PADI4: variants seen among roughly 807,000 people sequenced by gnomAD.
The protein encoded by PADI4 is peptidyl arginine deiminase 4.
A neutral mutation model predicts 75.0 loss-of-function variants in PADI4; 62 were observed. The observed-to-expected ratio is 0.83, with a 90% CI of 0.67 to 1.02. The LOEUF is 1.02. Among genes scored for constraint, PADI4 ranks in the 50% least tolerant of loss-of-function variants. The pLI, the probability that PADI4 is intolerant of heterozygous loss-of-function variation, is 0.00. For synonymous variants in PADI4, 361 were observed against 348.1 expected (o/e 1.04, Z -0.41); for missense variants, 845 against 850.5 (o/e 0.99, Z 0.08).
chr1:17,310,957 C>T (rs1010213846), intron 1 of PADI4, among the ~76,000 whole-genome samples: 21 of 152,024 alleles, frequency 1.4e-4, no homozygotes, highest in African/African-American at 4.1e-4. Context: ...ATTAGCCGGG[C>T]GTGGTAGCAC....
Position 17,309,390 on chromosome 1 carries a change from T to C in PADI4, c.92+1076T>C, listed in dbSNP as rs2073737840. Among the ~76,000 whole-genome samples, 3 of 152,146 alleles carry C rather than the reference T, an allele frequency of 2.0e-5. No homozygotes were observed. The South Asian group carries it at 6.2e-4, about 32-fold the overall frequency. ...AATGCATGTCTCAATTAAATAACTGTCTTTGTTTCTTGCCTCTATAATATG... is the reference window on the plus strand; with the variant it reads ...AATGCATGTCTCAATTAAATAACTGCCTTTGTTTCTTGCCTCTATAATATG... On this transcript the variant is annotated intron_variant, in intron 1 of 15. Coordinates refer to ENST00000375448, the MANE Select transcript of PADI4 (RefSeq NM_012387.3).
rs1557583121 is a variant in PADI4 at position 17,357,799 on chromosome 1, CGGGT to C, written c.1559-1037_1559-1034del. On this transcript the variant is annotated intron_variant, in intron 13 of 15. Transcript: ENST00000375448. ...TACAAAAATTAGCCGGGCGTGGTGGCGGGTGCCTGTAATCCCAGCTACTTGGGAG... is the reference window on the plus strand; with the variant it reads ...TACAAAAATTAGCCGGGCGTGGTGGCGCCTGTAATCCCAGCTACTTGGGAG... Among the ~76,000 whole-genome samples, 58 of 151,460 alleles carry C rather than the reference CGGGT, an allele frequency of 3.8e-4. 2 individuals are homozygous for C. Among genetic ancestry groups the C allele is most frequent in the Non-Finnish European group, 2.7e-4 (18 of 67,912 alleles).
intron 3 of PADI4, among the ~76,000 whole-genome samples, chr1:17,335,883 G>A (rs183043613): frequency 2.2e-4 from 34 of 152,374 alleles, no homozygotes; most frequent in African/African-American, 7.9e-4. Flanking sequence ...GTGGCCAGAC[G>A]TGCAGGGTCT....
At chr1:17,337,088 T>C (rs1386844332) in intron 4 of PADI4, among the ~76,000 whole-genome samples, 1 of 152,266 alleles carries the variant, frequency 6.6e-6, no homozygotes. Context: ...AATATTGACA[T>C]ACATATTTAG....
At chr1:17,352,104 T>TC (rs1557577118) in intron 10 of PADI4, among the ~76,000 whole-genome samples, 1 of 69,170 alleles carries the variant, frequency 1.4e-5, no homozygotes, top group Non-Finnish European at 3.0e-5. Context: ...TGGGAGGTGG[T>TC]AGGAGAGACT....
intron 3 of PADI4, 198 bp downstream of exon 3, chr1:17,334,207 T>A: frequency 1.7e-6 from 1 of 587,678 alleles, no homozygotes; most frequent in Non-Finnish European, 3.1e-6. Flanking sequence ...AGAAATACAA[T>A]GTGGCAGTGG....
intron 1 of PADI4, among the ~76,000 whole-genome samples, chr1:17,321,529 T>A (rs74716602): frequency 0.014 from 2,069 of 152,360 alleles, 52 homozygotes; most frequent in African/African-American, 0.047. Flanking sequence ...GAACAGTGCC[T>A]GGAGCAGAGT....
chr1:17,363,183 A>G (rs766449115), intron 15 of PADI4, among the ~76,000 whole-genome samples: 1 of 152,152 alleles, frequency 6.6e-6, no homozygotes, highest in Non-Finnish European at 1.5e-5. Context: ...CAGTGGCACA[A>G]TCACAGCTCA....
chr1:17,352,978 G>A (rs1370337438), intron 10 of PADI4, among the ~76,000 whole-genome samples: 1 of 152,212 alleles, frequency 6.6e-6, no homozygotes, highest in Non-Finnish European at 1.5e-5. Flanking sequence ...TGCAGAAAGT[G>A]TGCGGAGAAC....
In PADI4 at chr1:17,309,926, C is replaced by T. The variant is rs140767303; in HGVS notation, c.92+1612C>T. On this transcript the variant is annotated intron_variant, in intron 1 of 15. Coordinates refer to ENST00000375448, the MANE Select transcript of PADI4 (RefSeq NM_012387.3). ...CCCAGGCTAGCCCTCTACCCAGCGT[C>T]CATGAGTAGTAATCAAGATCACAAG... is the stretch of plus-strand genomic sequence containing the variant. Among the ~76,000 whole-genome samples the T allele has an allele frequency of 3.0e-3, 454 of 152,316 alleles. 1 individual carries two copies. Among genetic ancestry groups the T allele is most frequent in the Middle Eastern group, 0.01 (3 of 294 alleles).
At chr1:17,308,685 G>A (rs972175552) in intron 1 of PADI4, among the ~76,000 whole-genome samples, 1 of 152,138 alleles carries the variant, frequency 6.6e-6, no homozygotes, top group Admixed American at 6.5e-5. Flanking sequence ...GGGCCTCCTG[G>A]TTCACAGCAC....
intron 13 of PADI4, among the ~76,000 whole-genome samples, chr1:17,357,193 A>T (rs2074775321): frequency 6.6e-6 from 1 of 152,186 alleles, no homozygotes; most frequent in Non-Finnish European, 1.5e-5. Context: ...TTTGAAACGA[A>T]GTTTTCCTCT....
At chr1:17,351,201 GAAAAAAA>G (rs61284318) in intron 10 of PADI4, among the ~76,000 whole-genome samples, 4 of 76,806 alleles carry the variant, frequency 5.2e-5, no homozygotes, top group South Asian at 5.7e-4. Flanking sequence ...TGTCCCAGAG[GAAAAAAA>G]AAAAAAAAAA....
chr1:17,335,337 T>TATC (rs1247090961), intron 3 of PADI4, among the ~76,000 whole-genome samples: 1 of 152,176 alleles, frequency 6.6e-6, no homozygotes, highest in Non-Finnish European at 1.5e-5. Flanking sequence ...GTATTATTAT[T>TATC]ATCATCCCAT....
intron 15 of PADI4, among the ~76,000 whole-genome samples, chr1:17,359,850 G>T (rs2074824380): frequency 6.6e-6 from 1 of 152,242 alleles, no homozygotes; most frequent in African/African-American, 2.4e-5. Flanking sequence ...ACCAGTCCAA[G>T]GAGAGTGATG....
At chr1:17,337,713 T>C (rs532872119) in intron 4 of PADI4, among the ~76,000 whole-genome samples, 13 of 151,990 alleles carry the variant, frequency 8.6e-5, no homozygotes, top group South Asian at 6.2e-4. Flanking sequence ...GTCAAGAGAT[T>C]GAGCCATCCT....
Position 17,355,990 on chromosome 1 carries a change from AG to A in PADI4, c.1319del (p.Ser440ThrfsTer21). The stretch of plus-strand genomic sequence containing the variant: ...TTAACCCTGCCATGACAGCAATGAC[AG>A]CCGGCAGATGCACCAGGCCCTGCAG... The part of the protein sequence containing the change: ...FGDSCYPSND[S>X]RQMHQALQDF... On this transcript the variant is annotated frameshift_variant, in exon 12 of 16. Coordinates refer to ENST00000375448, the MANE Select transcript of PADI4 (RefSeq NM_012387.3). LOFTEE classifies it high-confidence loss of function. 6.2e-7 allele frequency: 1 copy of A among 1,614,178 alleles called. No homozygotes were observed. Among genetic ancestry groups the A allele is most frequent in the Non-Finnish European group, 8.5e-7 (1 of 1,180,008 alleles).
chr1:17,356,098 C>CTGAGCTT lies in PADI4; in HGVS notation c.1429_1435dup (p.Val479GlufsTer31). The stretch of plus-strand genomic sequence containing the variant: ...GTCCGTGGGCCACGTGGACGAGTTC[C>CTGAGCTT]TGAGCTTTGTGCCAGCACCCGACAG... On this transcript the variant is annotated frameshift_variant, in exon 12 of 16. Coordinates refer to ENST00000375448, the MANE Select transcript of PADI4 (RefSeq NM_012387.3). LOFTEE classifies it high-confidence loss of function. The surrounding 1 kb of genome is among the most constrained non-coding windows in gnomAD (Gnocchi z 4.1). The CTGAGCTT allele has an allele frequency of 1.2e-6, 2 of 1,614,214 alleles. No individual in the cohort carries two copies. Among genetic ancestry groups the CTGAGCTT allele is most frequent in the South Asian group, 2.2e-5 (2 of 91,088 alleles).
At chr1:17,339,447 G>A (rs924056759) in intron 5 of PADI4, among the ~76,000 whole-genome samples, 11 of 152,130 alleles carry the variant, frequency 7.2e-5, no homozygotes, top group African/African-American at 2.2e-4. Flanking sequence ...CTTTGCTGAG[G>A]TTACATCCCC....
Sources: allele counts gnomAD v4.1 joint callset (sites outside exome capture counted in the v4.1 genomes callset), GRCh38; gene constraint gnomAD v4.1.1; non-coding constraint Gnocchi (gnomAD v3.1); transcripts MANE v1.5; gene names NCBI Gene and HGNC (gene_info 2026-07-23, HGNC 2026-07-21).